SEMA3E: variants seen among roughly 807,000 people sequenced by gnomAD.
SEMA3E encodes semaphorin 3E.
SEMA3E carries 49 observed loss-of-function variants against 93.6 expected under a neutral mutation model. The ratio of observed to expected loss-of-function variants is 0.52; its 90% CI spans 0.42 to 0.66. The LOEUF (loss-of-function observed/expected upper bound fraction) is 0.66, where lower values mean the gene tolerates loss of function less well. Among genes scored for constraint, SEMA3E ranks in the 30% least tolerant of loss-of-function variants. SEMA3E has a pLI of 0.00. For synonymous variants in SEMA3E, 363 were observed against 330.7 expected (o/e 1.10, Z -1.06); for missense variants, 906 against 964.8 (o/e 0.94, Z 0.81).
At chr7:83,604,723 C>A (rs868226749) in intron 1 of SEMA3E, among the ~76,000 whole-genome samples, 12 of 151,944 alleles carry the variant, frequency 7.9e-5, no homozygotes, top group African/African-American at 2.9e-4. Flanking sequence ...TCTATCAACC[C>A]GTCACCTAGG....
chr7:83,555,089 T>C (rs1791859865), intron 1 of SEMA3E, among the ~76,000 whole-genome samples: 1 of 152,206 alleles, frequency 6.6e-6, no homozygotes, highest in Non-Finnish European at 1.5e-5. Flanking sequence ...TTATTCATTA[T>C]AGAGAATAGG....
intron 1 of SEMA3E, among the ~76,000 whole-genome samples, chr7:83,618,855 C>T (rs42019): frequency 0.29 from 43,410 of 151,720 alleles, 6,813 homozygotes; most frequent in South Asian, 0.35. Flanking sequence ...GATTGTTATA[C>T]ATAATGGTTT....
chr7:83,384,631 C>G (rs557950889), intron 16 of SEMA3E, among the ~76,000 whole-genome samples: 1 of 152,112 alleles, frequency 6.6e-6, no homozygotes, highest in South Asian at 2.1e-4. Context: ...CTATAGACAG[C>G]CCTTGACTCA....
At chr7:83,643,779 A>C (rs1261298315) in intron 1 of SEMA3E, among the ~76,000 whole-genome samples, 4 of 151,978 alleles carry the variant, frequency 2.6e-5, no homozygotes, top group Admixed American at 6.6e-5. Context: ...ACTATTTCTT[A>C]ATAAATCCAC....
intron 3 of SEMA3E, 77 bp from the exon 4 acceptor site, chr7:83,466,678 A>G (rs765572439): frequency 1.1e-4 from 172 of 1,548,872 alleles, no homozygotes; most frequent in Non-Finnish European, 1.5e-4. Flanking sequence ...TGTTTTTCCT[A>G]GCCCTAGAAA....
chr7:83,507,454 G>C (rs1259441533), intron 1 of SEMA3E, among the ~76,000 whole-genome samples: 35 of 151,002 alleles, frequency 2.3e-4, no homozygotes, highest in African/African-American at 8.6e-4. Context: ...GTGTGTGTGT[G>C]TGTGTGTGTG....
In SEMA3E at chr7:83,580,346, C is replaced by T. The variant is rs56772004; in HGVS notation, c.115+68082G>A. Among the ~76,000 whole-genome samples the T allele has an allele frequency of 3.2e-3, 487 of 152,120 alleles. 4 individuals are homozygous for T. Among genetic ancestry groups the T allele is most frequent in the African/African-American group, 0.011 (445 of 41,550 alleles). On this transcript the variant is annotated intron_variant, in intron 1 of 16. Coordinates refer to ENST00000643230, the MANE Select transcript of SEMA3E (RefSeq NM_012431.3). Reference sequence around the variant, plus strand: ...TCAAAACTGACCTCATCTTCTCCATCACCTTCACCTTACCTAAAATGCTAG... The same window carrying T: ...TCAAAACTGACCTCATCTTCTCCATTACCTTCACCTTACCTAAAATGCTAG...
Position 83,366,688 on chromosome 7 carries a change from G to A in SEMA3E, c.*898C>T, listed in dbSNP as rs191711676. On this transcript the variant is annotated 3_prime_UTR_variant, in exon 17 of 17. Transcript: ENST00000643230. ...AAGGATTAACATGTTTTTTATTTCA[G>A]TTATTTGTTTCTGCAAATGAACTTG... 1 of 152,056 alleles carries A rather than the reference G, an allele frequency of 6.6e-6. No homozygotes were observed. The highest frequency in any genetic ancestry group is 2.4e-5 in the African/African-American group (1 of 41,484). The allele number at this position is 152,056 out of a possible 1,614,324, so 9.4% of individuals were successfully genotyped here. A position where few individuals can be genotyped will look rare whatever the true frequency, so the allele number is the denominator to read the frequency against.
At chr7:83,609,035 T>C (rs1330061078) in intron 1 of SEMA3E, among the ~76,000 whole-genome samples, 1 of 152,086 alleles carries the variant, frequency 6.6e-6, no homozygotes. Context: ...AATTACTAAG[T>C]ATTGAGAAAG....
chr7:83,464,864 C>A (rs900787367), intron 4 of SEMA3E, among the ~76,000 whole-genome samples: 4 of 149,712 alleles, frequency 2.7e-5, no homozygotes, highest in Non-Finnish European at 5.9e-5. Flanking sequence ...CTCCATACCA[C>A]CCCCCAAAAA....
intron 12 of SEMA3E, among the ~76,000 whole-genome samples, chr7:83,396,187 C>A (rs1271326869): frequency 6.6e-6 from 1 of 151,792 alleles, no homozygotes; most frequent in Non-Finnish European, 1.5e-5. Flanking sequence ...ATTGTTTTTT[C>A]ATGTCTTTTT....
In SEMA3E at chr7:83,639,135, AAAAAAC is replaced by A. The variant is rs1465272069; in HGVS notation, c.115+9287_115+9292del. ...CAAAAAAAAAAAAAAAAAAAAAAAA[AAAAAAC>A]AGAGATTCCTGAGCCTCAGAATTAT... On this transcript the variant is annotated intron_variant, in intron 1 of 16. Transcript: ENST00000643230. Among the ~76,000 whole-genome samples, 42 of 133,366 alleles carry A rather than the reference AAAAAAC, an allele frequency of 3.1e-4. 5 individuals are homozygous for A. The highest frequency in any genetic ancestry group is 3.8e-3 in the Middle Eastern group (1 of 260). 87.5% of individuals were successfully genotyped at this position (133,366 alleles called of 152,430 possible).
chr7:83,635,940 G>T (rs1262183132), intron 1 of SEMA3E, among the ~76,000 whole-genome samples: 1 of 150,488 alleles, frequency 6.6e-6, no homozygotes. Context: ...AACAAAGATG[G>T]GTAAATTATC....
At chr7:83,448,293 G>A (rs1168664665) in intron 4 of SEMA3E, among the ~76,000 whole-genome samples, 1 of 152,086 alleles carries the variant, frequency 6.6e-6, no homozygotes, top group African/African-American at 2.4e-5. Flanking sequence ...TTAAGGAGTC[G>A]ATGTATTACT....
At chr7:83,383,613 T>C (rs57912496) in intron 16 of SEMA3E, among the ~76,000 whole-genome samples, 8,339 of 151,978 alleles carry the variant, frequency 0.055, 381 homozygotes, top group African/African-American at 0.12. Flanking sequence ...AATACATTAG[T>C]TGGGGAAATT....
chr7:83,555,632 T>C (rs1041384410), intron 1 of SEMA3E, among the ~76,000 whole-genome samples: 1 of 152,158 alleles, frequency 6.6e-6, no homozygotes, highest in East Asian at 1.9e-4. Context: ...AATCAGCAAA[T>C]CAATAGACTC....
intron 10 of SEMA3E, among the ~76,000 whole-genome samples, chr7:83,401,763 C>T (rs768936132): frequency 3.3e-5 from 5 of 151,930 alleles, no homozygotes; most frequent in Non-Finnish European, 7.4e-5. Flanking sequence ...TGCAAGTAAT[C>T]GTGGAATCAG....
chr7:83,585,498 A>G (rs769372670), intron 1 of SEMA3E, among the ~76,000 whole-genome samples: 1 of 152,150 alleles, frequency 6.6e-6, no homozygotes, highest in African/African-American at 2.4e-5. Flanking sequence ...ATTTGTATTT[A>G]TGAGTATTAA....
intron 1 of SEMA3E, among the ~76,000 whole-genome samples, chr7:83,613,800 T>C (rs1239696677): frequency 2.0e-5 from 3 of 152,098 alleles, no homozygotes; most frequent in Non-Finnish European, 4.4e-5. Flanking sequence ...CCACTGAAAC[T>C]ACATATTTCG....
Sources: gnomAD v4.1 joint callset for allele counts (sites outside exome capture counted in the v4.1 genomes callset) on GRCh38, gnomAD v4.1.1 for gene constraint, MANE v1.5 for transcripts, NCBI Gene and HGNC (gene_info 2026-07-23, HGNC 2026-07-21) for gene names.